The following ST8SIA1 variants were observed in gnomAD, a reference collection of about 807,000 sequenced individuals.
ST8SIA1 encodes the protein alpha-N-acetylneuraminide alpha-2,8-sialyltransferase.
ST8SIA1 carries 16 observed loss-of-function variants against 35.9 expected under a neutral mutation model. The observed-to-expected ratio is 0.45, with a 90% CI of 0.30 to 0.68. The LOEUF (loss-of-function observed/expected upper bound fraction) is 0.68. Among genes scored for constraint, ST8SIA1 ranks in the 30% least tolerant of loss-of-function variants. The pLI is 0.09. For missense variants in ST8SIA1, 383 were observed against 453.6 expected (o/e 0.84, Z 1.41); for synonymous variants, 170 against 169.6 (o/e 1.00, Z -0.02).
At chr12:22,305,203 G>A (rs1020689238) in intron 1 of ST8SIA1, among the ~76,000 whole-genome samples, 5 of 152,086 alleles carry the variant, frequency 3.3e-5, no homozygotes, top group African/African-American at 1.2e-4. Flanking sequence ...GAGCTCTAAT[G>A]AATGGGCTTA....
chr12:22,211,874 G>A lies in ST8SIA1; in HGVS notation c.585-9836C>T, dbSNP rs145965867. 4.6e-5 allele frequency among the ~76,000 whole-genome samples: 7 copies of A among 152,168 alleles called. No individual in the cohort carries two copies. In the East Asian group the frequency reaches 1.4e-3, roughly 29 times the overall value. ...CTTCAGGTGCCTGCCACCATGCCCA[G>A]CTAATTTTGTATTTTTAGTAGAGAC... On this transcript the variant is annotated intron_variant, in intron 4 of 4. Transcript: ENST00000396037.
intron 4 of ST8SIA1, among the ~76,000 whole-genome samples, chr12:22,207,055 G>T (rs2120622521): frequency 6.6e-6 from 1 of 152,292 alleles, no homozygotes; most frequent in South Asian, 2.1e-4. Context: ...CCATCAATCA[G>T]GTTCAAGTAA....
intron 3 of ST8SIA1, among the ~76,000 whole-genome samples, chr12:22,255,009 T>A (rs188884413): frequency 6.6e-6 from 1 of 152,258 alleles, no homozygotes; most frequent in African/African-American, 2.4e-5. Context: ...AGATGTGAGA[T>A]TTTCCACTTT....
At position 22,202,050 on chromosome 12, in the gene ST8SIA1, A is replaced by G. The variant is rs187947594; in HGVS notation, c.585-12T>C. Reference sequence around the variant, plus strand: ...GAAGGTTCTGAAACCTATTGAAGAAAAAAAAAACTGTTCAATTAAACCTAG... The same window carrying G: ...GAAGGTTCTGAAACCTATTGAAGAAGAAAAAAACTGTTCAATTAAACCTAG... On this transcript the variant is annotated splice_polypyrimidine_tract_variant and intron_variant, in intron 4 of 4. Transcript: ENST00000396037. 1.9e-6 allele frequency: 3 copies of G among 1,553,054 alleles called. No homozygotes were observed. The Admixed American group carries it at 6.5e-5, about 34-fold the overall frequency.
chr12:22,333,541 T>C (rs1385052711), intron 1 of ST8SIA1, among the ~76,000 whole-genome samples: 1 of 152,254 alleles, frequency 6.6e-6, no homozygotes, highest in Non-Finnish European at 1.5e-5. Context: ...CCACTGCCCA[T>C]CACTCCGACG....
chr12:22,204,440 C>T (rs1399729871), intron 4 of ST8SIA1, among the ~76,000 whole-genome samples: 1 of 152,164 alleles, frequency 6.6e-6, no homozygotes, highest in African/African-American at 2.4e-5. Flanking sequence ...CACCATCAAC[C>T]TTCTAGAGCA....
intron 3 of ST8SIA1, among the ~76,000 whole-genome samples, chr12:22,249,486 C>T (rs1224111480): frequency 2.6e-5 from 4 of 152,162 alleles, no homozygotes; most frequent in East Asian, 3.9e-4. Flanking sequence ...TCCCAAAGTA[C>T]TGGGATTACA....
chr12:22,268,289 C>G (rs751113604), intron 2 of ST8SIA1, among the ~76,000 whole-genome samples: 11 of 152,136 alleles, frequency 7.2e-5, no homozygotes, highest in African/African-American at 9.7e-5. Flanking sequence ...CACAGACGAG[C>G]TTTTTAGATT....
At chr12:22,281,410 C>T (rs1004402389) in intron 2 of ST8SIA1, among the ~76,000 whole-genome samples, 3 of 152,130 alleles carry the variant, frequency 2.0e-5, no homozygotes, top group Non-Finnish European at 4.4e-5. Flanking sequence ...AAACAGTACT[C>T]TAGTGTTAGC....
rs148039584 is a variant in ST8SIA1 at position 22,235,540 on chromosome 12, G to A, written c.584+13466C>T. On this transcript the variant is annotated intron_variant, in intron 4 of 4. Coordinates refer to ENST00000396037, the MANE Select transcript of ST8SIA1 (RefSeq NM_003034.4). Reference sequence around the variant, plus strand: ...TCACGGAATACATAATCAACTCTGTGCAATGAATTGTTCACAGATGGACCC... The same window carrying A: ...TCACGGAATACATAATCAACTCTGTACAATGAATTGTTCACAGATGGACCC... 5.6e-4 allele frequency among the ~76,000 whole-genome samples: 86 copies of A among 152,302 alleles called. No individual in the cohort carries two copies. The East Asian group carries it at 0.015, about 26-fold the overall frequency.
At chr12:22,240,189 A>T (rs1485067162) in intron 4 of ST8SIA1, among the ~76,000 whole-genome samples, 1 of 152,164 alleles carries the variant, frequency 6.6e-6, no homozygotes, top group South Asian at 2.1e-4. Flanking sequence ...CCCAAGGTAA[A>T]TAATATTTAT....
chr12:22,321,461 G>A (rs906769495), intron 1 of ST8SIA1, among the ~76,000 whole-genome samples: 1 of 152,232 alleles, frequency 6.6e-6, no homozygotes, highest in Admixed American at 6.5e-5. Context: ...AGAGGAGGGT[G>A]GAGTGGGCTC....
At chr12:22,255,433 C>T (rs1370741530) in intron 2 of ST8SIA1, 44 bp from the exon 3 acceptor site, 3 of 1,485,078 alleles carry the variant, frequency 2.0e-6, no homozygotes, top group South Asian at 1.1e-5. Flanking sequence ...AAAGAACACA[C>T]AACCGCTCAC....
At chr12:22,318,610 T>C (rs759750351) in intron 1 of ST8SIA1, among the ~76,000 whole-genome samples, 8 of 152,184 alleles carry the variant, frequency 5.3e-5, no homozygotes, top group Non-Finnish European at 1.0e-4. Context: ...GAATCAGAGA[T>C]GTCAGGCAGA....
rs7956389 is a variant in ST8SIA1 at position 22,287,379 on chromosome 12, C to A, written c.237-86G>T. 9,445 of 1,409,334 alleles carry A rather than the reference C, an allele frequency of 6.7e-3. 524 individuals are homozygous for A. The African/African-American group carries it at 0.12, about 17-fold the overall frequency. The allele number at this position is 1,409,334 out of a possible 1,614,324, so 87.3% of individuals were successfully genotyped here. A position where few individuals can be genotyped will look rare whatever the true frequency, so the allele number is the denominator to read the frequency against. On this transcript the variant is annotated intron_variant, in intron 1 of 4. Transcript: ENST00000396037. ...CACTTGTCATTCCCACAGAGATGTG[C>A]CACCTTACCTCAGTGCCAGCTCACA...
intron 1 of ST8SIA1, among the ~76,000 whole-genome samples, chr12:22,326,659 G>T (rs1419799798): frequency 6.6e-6 from 1 of 152,142 alleles, no homozygotes; most frequent in Non-Finnish European, 1.5e-5. Context: ...ATCCCACCCA[G>T]CCAAGTGAGG....
chr12:22,252,053 T>C (rs1039947393), intron 3 of ST8SIA1, among the ~76,000 whole-genome samples: 2 of 152,212 alleles, frequency 1.3e-5, no homozygotes, highest in African/African-American at 4.8e-5. Flanking sequence ...AATTCAATGA[T>C]ATTATTTTTT....
At chr12:22,316,937 A>T (rs556801013) in intron 1 of ST8SIA1, among the ~76,000 whole-genome samples, 1 of 152,310 alleles carries the variant, frequency 6.6e-6, no homozygotes, top group Non-Finnish European at 1.5e-5. Flanking sequence ...AGGCTTTCTC[A>T]TACACTCTTG....
intron 1 of ST8SIA1, among the ~76,000 whole-genome samples, chr12:22,317,329 T>C (rs1160557293): frequency 6.6e-6 from 1 of 152,220 alleles, no homozygotes; most frequent in Non-Finnish European, 1.5e-5. Context: ...TCTATTATGA[T>C]ATAACAAATT....
Sources: allele counts gnomAD v4.1 joint callset (sites outside exome capture counted in the v4.1 genomes callset), GRCh38; gene constraint gnomAD v4.1.1; transcripts MANE v1.5; gene names NCBI Gene and HGNC (gene_info 2026-07-23, HGNC 2026-07-21).